The following MCM9 variants were observed in gnomAD, a reference collection of about 807,000 sequenced individuals.
The protein encoded by MCM9 is DNA helicase MCM9.
MCM9 carries 55 observed loss-of-function variants against 72.8 expected under a neutral mutation model. The ratio of observed to expected loss-of-function variants is 0.76; its 90% CI spans 0.61 to 0.95. The LOEUF is 0.95. Among genes scored for constraint, MCM9 ranks in the 40% least tolerant of loss-of-function variants. The pLI is 0.00. For synonymous variants in MCM9, 480 were observed against 503.4 expected (o/e 0.95, Z 0.62); for missense variants, 1,279 against 1,377.0 (o/e 0.93, Z 1.13).
At position 118,924,112 on chromosome 6, in the gene MCM9, G is replaced by C; in HGVS notation, c.320C>G (p.Pro107Arg). ...AGGTATGTGTTCCCTCACCAGCTCA[G>C]GACAGACAGGCAAACCTGATGGAGA... is the stretch of plus-strand genomic sequence containing the variant. Reference protein sequence around the residue: ...HARISGLPVCPELVREHIPKT... With the variant: ...HARISGLPVCRELVREHIPKT... The change falls in exon 4 of 14, where the codon CCT becomes CGT. Residue 107 changes from proline (P) to arginine (R), a missense_variant. By Grantham distance (103) the Pro-to-Arg change is moderately radical. Coordinates refer to ENST00000619706, the MANE Select transcript of MCM9 (RefSeq NM_017696.3). 6.2e-7 allele frequency: 1 copy of C among 1,613,096 alleles called. No individual in the cohort carries two copies. Among genetic ancestry groups the C allele is most frequent in the African/African-American group, 1.3e-5 (1 of 74,986 alleles).
intron 8 of MCM9, among the ~76,000 whole-genome samples, chr6:118,876,284 A>G (rs1037392244): frequency 6.6e-6 from 1 of 152,170 alleles, no homozygotes; most frequent in Non-Finnish European, 1.5e-5. Flanking sequence ...CAGTAAAACT[A>G]TTTTGTACAA....
At chr6:118,930,136 A>C (rs527468958) in intron 3 of MCM9, among the ~76,000 whole-genome samples, 572 of 151,572 alleles carry the variant, frequency 3.8e-3, no homozygotes, top group Non-Finnish European at 6.8e-3. Context: ...TTTGAGACGG[A>C]GTCTCGCTCT....
chr6:118,898,559 G>A (rs996503662), intron 8 of MCM9, among the ~76,000 whole-genome samples: 2 of 151,882 alleles, frequency 1.3e-5, no homozygotes, highest in African/African-American at 4.8e-5. Flanking sequence ...CGAGTAGCTG[G>A]GACCACAGGC....
chr6:118,860,506 T>C (rs1776833581), intron 8 of MCM9, among the ~76,000 whole-genome samples: 1 of 151,692 alleles, frequency 6.6e-6, no homozygotes, highest in African/African-American at 2.4e-5. Context: ...AATAAAAGAA[T>C]AACAATAAAG....
chr6:118,852,141 T>C (rs973781164), intron 9 of MCM9, among the ~76,000 whole-genome samples: 2 of 152,146 alleles, frequency 1.3e-5, no homozygotes, highest in African/African-American at 4.8e-5. Context: ...TAGGCAACTG[T>C]AACACAAAGG....
At chr6:118,884,737 C>T (rs751215184) in intron 8 of MCM9, among the ~76,000 whole-genome samples, 2 of 151,978 alleles carry the variant, frequency 1.3e-5, no homozygotes, top group African/African-American at 2.4e-5. Context: ...GAAAAACATA[C>T]GTATGTAAAT....
At chr6:118,855,155 A>G (rs1450735205) in intron 9 of MCM9, among the ~76,000 whole-genome samples, 1 of 152,250 alleles carries the variant, frequency 6.6e-6, no homozygotes, top group Non-Finnish European at 1.5e-5. Context: ...ACTTACAGAT[A>G]GCACAAAAAG....
intron 8 of MCM9, 76 bp downstream of exon 8, chr6:118,911,574 A>G (rs1780545679): frequency 6.6e-7 from 1 of 1,522,818 alleles, no homozygotes; most frequent in East Asian, 2.3e-5. Context: ...TATTATAGGT[A>G]GTTTTTCATT....
At chr6:118,822,651 C>T (rs1206728639) in intron 13 of MCM9, among the ~76,000 whole-genome samples, 1 of 152,186 alleles carries the variant, frequency 6.6e-6, no homozygotes, top group Non-Finnish European at 1.5e-5. Context: ...TGCTAGAATC[C>T]TCCTAGTTAG....
rs147354757 is a variant in MCM9 at position 118,831,689 on chromosome 6, T to C, written c.1326-2439A>G. On this transcript the variant is annotated intron_variant, in intron 9 of 13. Transcript: ENST00000619706. ...CATACATACAATCTAATCCTAAGTA[T>C]ACAGTGCGTAGTAGTGGCTCACTAA... is the stretch of plus-strand genomic sequence containing the variant. Among the ~76,000 whole-genome samples, 276 of 152,302 alleles carry C rather than the reference T, an allele frequency of 1.8e-3. 1 individual carries two copies. The highest frequency in any genetic ancestry group is 0.01 in the South Asian group (50 of 4,826).
chr6:118,862,557 C>T (rs895231493), intron 8 of MCM9, among the ~76,000 whole-genome samples: 1 of 152,198 alleles, frequency 6.6e-6, no homozygotes, highest in African/African-American at 2.4e-5. Flanking sequence ...GAGTGCACAA[C>T]CTAGATCCCT....
intron 3 of MCM9, among the ~76,000 whole-genome samples, chr6:118,928,776 C>T (rs1203982286): frequency 6.6e-6 from 1 of 150,742 alleles, no homozygotes; most frequent in African/African-American, 2.4e-5. Context: ...CGCTTGAGCC[C>T]AGAAGTTAGA....
chr6:118,849,453 G>A lies in MCM9; in HGVS notation c.1325+6918C>T, dbSNP rs576717464. Reference sequence around the variant, plus strand: ...AGTTTGTGTGTGTGTGTGTGTGTGTGTATAATATATATACATTATATTCTC... The same window carrying A: ...AGTTTGTGTGTGTGTGTGTGTGTGTATATAATATATATACATTATATTCTC... On this transcript the variant is annotated intron_variant, in intron 9 of 13. Coordinates refer to ENST00000619706, the MANE Select transcript of MCM9 (RefSeq NM_017696.3). 6.8e-3 allele frequency among the ~76,000 whole-genome samples: 1,012 copies of A among 147,962 alleles called. 21 individuals carry two copies. Among genetic ancestry groups the A allele is most frequent in the African/African-American group, 0.023 (937 of 40,140 alleles).
At position 118,931,572 on chromosome 6, in the gene MCM9, T is replaced by G; in HGVS notation, c.152A>C (p.Asn51Thr). The change falls in exon 3 of 14, where the codon AAC becomes ACC. Residue 51 changes from asparagine to threonine, a missense_variant. Asn to Thr is a moderately conservative substitution (Grantham distance 65). Transcript: ENST00000619706. Reference protein sequence around the residue: ...VVNAMTLFETNMEIGEYFNMF... With the variant: ...VVNAMTLFETTMEIGEYFNMF... ...GTTGAAATATTCCCCGATTTCCATG[T>G]TGGTCTCAAACAGAGTCATGGCATT... is the stretch of plus-strand genomic sequence containing the variant. The G allele has an allele frequency of 6.2e-7, 1 of 1,614,156 alleles. No individual in the cohort carries two copies.
intron 13 of MCM9, among the ~76,000 whole-genome samples, chr6:118,825,850 A>G (rs1341369249): frequency 1.3e-5 from 2 of 152,166 alleles, no homozygotes; most frequent in African/African-American, 4.8e-5. Flanking sequence ...AGCCAACACA[A>G]TGTGGAGCAA....
Position 118,926,602 on chromosome 6 carries a change from A to G in MCM9, c.305-2475T>C, listed in dbSNP as rs1018024324. On this transcript the variant is annotated intron_variant, in intron 3 of 13. Transcript: ENST00000619706. ...TCAAGATTCATTCCTGTTGTAACAT[A>G]TACAGTACTTCACTCTTTTTATGAC... 2.6e-5 allele frequency among the ~76,000 whole-genome samples: 4 copies of G among 152,228 alleles called. No homozygotes were observed. In the East Asian group the frequency reaches 7.7e-4, roughly 29 times the overall value.
chr6:118,843,673 T>TATATAC (rs1491145219), intron 9 of MCM9, among the ~76,000 whole-genome samples: 457 of 29,670 alleles, frequency 0.015, 7 homozygotes, highest in African/African-American at 0.049. Flanking sequence ...TATATATGTA[T>TATATAC]GTATATATAT....
chr6:118,861,554 C>T (rs998152166), intron 8 of MCM9, among the ~76,000 whole-genome samples: 2 of 152,160 alleles, frequency 1.3e-5, no homozygotes, highest in Admixed American at 6.5e-5. Context: ...TCAGGAGACC[C>T]GAAGTGGGTA....
At chr6:118,912,777 T>C (rs1434701366) in intron 7 of MCM9, 1 of 153,184 alleles carries the variant, frequency 6.5e-6, no homozygotes, top group Non-Finnish European at 1.5e-5. Context: ...CTGGACATAA[T>C]TATACACTTA....
Sources: allele counts gnomAD v4.1 joint callset (sites outside exome capture counted in the v4.1 genomes callset), GRCh38; gene constraint gnomAD v4.1.1; transcripts MANE v1.5; gene names NCBI Gene and HGNC (gene_info 2026-07-23, HGNC 2026-07-21).